Variants in PCDHA7 observed in about 807,000 individuals in gnomAD.
The protein encoded by PCDHA7 is protocadherin alpha 7.
Under a neutral mutation model 57.2 loss-of-function variants are expected in PCDHA7, and 37 were observed. The observed-to-expected ratio is 0.65, with a 90% CI of 0.50 to 0.85. PCDHA7 has a LOEUF of 0.85. Ranked by LOEUF, PCDHA7 falls within the 40% of genes least tolerant of loss-of-function variation. The pLI is 0.00. For missense variants in PCDHA7, 1,188 were observed against 1,241.8 expected (o/e 0.96, Z 0.65); for synonymous variants, 553 against 558.8 (o/e 0.99, Z 0.15).
intron 1 of PCDHA7, chr5:140,841,802 G>A: frequency 6.2e-7 from 1 of 1,613,944 alleles, no homozygotes; most frequent in Non-Finnish European, 8.5e-7. Context: ...GTCCGATGCA[G>A]ATGTTGGAGC....
chr5:140,853,541 G>A, intron 1 of PCDHA7: 2 of 979,320 alleles, frequency 2.0e-6, no homozygotes, highest in Non-Finnish European at 2.5e-6. Context: ...TTTTCAAGTT[G>A]TAATTACTAT....
rs549259485 is a variant in PCDHA7, at chr5:140,926,218, A to C, written c.2356-52731A>C. 2.0e-5 allele frequency among the ~76,000 whole-genome samples: 3 copies of C among 152,070 alleles called. No individual in the cohort carries two copies. In the South Asian group the frequency reaches 6.3e-4, roughly 32 times the overall value. On this transcript the variant is annotated intron_variant, in intron 1 of 3. Coordinates refer to ENST00000525929, the MANE Select transcript of PCDHA7 (RefSeq NM_018910.3). ...TCTTTCGGGGGGCTCCTGTTTCCTT[A>C]AGCCTAGAAGGTGTGGTCGCTCACG...
At chr5:140,943,515 G>C (rs2093511975) in intron 1 of PCDHA7, among the ~76,000 whole-genome samples, 1 of 152,100 alleles carries the variant, frequency 6.6e-6, no homozygotes, top group African/African-American at 2.4e-5. Context: ...TGGAAATGTT[G>C]AGTTCAGTAT....
rs1554205452 is a variant in PCDHA7 at position 140,928,080 on chromosome 5, C to T, written c.2356-50869C>T. ...CGGCTTCCTTTGACAACTACTACAG[C>T]CTGCTGATTGATGGGCCCCTGGACC... On this transcript the variant is annotated intron_variant, in intron 1 of 3. Transcript: ENST00000525929. The T allele has an allele frequency of 2.5e-6, 4 of 1,614,072 alleles. No homozygotes were observed. The African/African-American group carries it at 4.0e-5, about 16-fold the overall frequency.
At chr5:140,887,704 C>A (rs1554183178) in intron 1 of PCDHA7, among the ~76,000 whole-genome samples, 1 of 152,104 alleles carries the variant, frequency 6.6e-6, no homozygotes, top group East Asian at 1.9e-4. Context: ...ATCAACCATA[C>A]TTCTTCTAAT....
chr5:140,944,097 A>G lies in PCDHA7; in HGVS notation c.2356-34852A>G, dbSNP rs2093609741. On this transcript the variant is annotated intron_variant, in intron 1 of 3. Coordinates refer to ENST00000525929, the MANE Select transcript of PCDHA7 (RefSeq NM_018910.3). ...ATAAAGGAGGCCTGAGTAAGTTTAT[A>G]TCTCATGGGAAAATGGTACCAGAGA... is the stretch of plus-strand genomic sequence containing the variant. Among the ~76,000 whole-genome samples, 3 of 152,244 alleles carry G rather than the reference A, an allele frequency of 2.0e-5. No individual in the cohort carries two copies. In the South Asian group the frequency reaches 6.2e-4, roughly 31 times the overall value.
chr5:140,943,831 A>T (rs1051741610), intron 1 of PCDHA7, among the ~76,000 whole-genome samples: 2 of 152,214 alleles, frequency 1.3e-5, no homozygotes, highest in African/African-American at 4.8e-5. Flanking sequence ...GAGTTGATTG[A>T]AGTTGTAAGA....
In PCDHA7 at chr5:140,836,587, T is replaced by G; in HGVS notation, c.2204T>G (p.Val735Gly). The stretch of plus-strand genomic sequence containing the variant: ...TCCTCTGAGGGCGCATGTAGTTTGG[T>G]AAAGCCCACTCTGGTGTGCTCCAGC... ...APSSEGACSL[V>G]KPTLVCSSAV... is the part of the protein sequence containing the mutation. The change falls in exon 1 of 4, where the codon GTA becomes GGA. Residue 735 changes from valine (V) to glycine (G), a missense_variant. Physicochemically the swap from Val to Gly is moderately radical, Grantham distance 109 (BLOSUM62 -3). This residue lies in a region of PCDHA7 where 892 missense variants were observed against 788.5 expected (regional missense o/e 1.13). Transcript: ENST00000525929. 6.2e-7 allele frequency: 1 copy of G among 1,613,734 alleles called. No individual in the cohort carries two copies. Among genetic ancestry groups the G allele is most frequent in the Non-Finnish European group, 8.5e-7 (1 of 1,179,838 alleles).
At chr5:140,948,305 T>C (rs1554218512) in intron 1 of PCDHA7, among the ~76,000 whole-genome samples, 1 of 151,622 alleles carries the variant, frequency 6.6e-6, no homozygotes, top group African/African-American at 2.4e-5. Context: ...ATATCTTTTC[T>C]TCTTGAGGGG....
At chr5:140,879,180 G>C (rs1459369751) in intron 1 of PCDHA7, among the ~76,000 whole-genome samples, 14 of 152,206 alleles carry the variant, frequency 9.2e-5, no homozygotes, top group African/African-American at 3.4e-4. Context: ...TAGGTATCAA[G>C]TAATGGAGAC....
intron 1 of PCDHA7, chr5:140,843,336 G>A (rs2150357721): frequency 6.3e-7 from 1 of 1,596,074 alleles, no homozygotes; most frequent in South Asian, 1.1e-5. Context: ...CTGGTGGAGA[G>A]CGGCCAGGCT....
intron 1 of PCDHA7, among the ~76,000 whole-genome samples, chr5:140,912,685 G>A (rs2076025155): frequency 6.6e-6 from 1 of 152,060 alleles, no homozygotes; most frequent in Non-Finnish European, 1.5e-5. Flanking sequence ...CTTATTCCAG[G>A]TCTCAGGGGG....
chr5:140,869,247 C>A (rs1186478553), intron 1 of PCDHA7: 2 of 1,613,526 alleles, frequency 1.2e-6, no homozygotes, highest in Admixed American at 3.3e-5. Context: ...TGGGCCGCAT[C>A]GCGCAGGACC....
intron 3 of PCDHA7, among the ~76,000 whole-genome samples, chr5:140,984,149 G>C (rs2097089041): frequency 6.6e-6 from 1 of 152,198 alleles, no homozygotes; most frequent in Non-Finnish European, 1.5e-5. Context: ...CATCTGGGAA[G>C]GTGAGAACTT....
At chr5:140,863,013 C>A (rs1274171221) in intron 1 of PCDHA7, 1 of 552,838 alleles carries the variant, frequency 1.8e-6, no homozygotes, top group Admixed American at 1.9e-5. Flanking sequence ...AGCTATGACG[C>A]CTGGTTGTCG....
At chr5:140,977,256 C>T (rs1304967733) in intron 1 of PCDHA7, among the ~76,000 whole-genome samples, 1 of 152,164 alleles carries the variant, frequency 6.6e-6, no homozygotes, top group Non-Finnish European at 1.5e-5. Flanking sequence ...CATTTCTCAG[C>T]AGATGTTACA....
chr5:141,000,887 AAC>A (rs1554257872), intron 3 of PCDHA7, among the ~76,000 whole-genome samples: 4 of 152,188 alleles, frequency 2.6e-5, no homozygotes. Context: ...CAACCTGGGC[AAC>A]AGATATAGAC....
chr5:140,836,113 TGA>T lies in PCDHA7; in HGVS notation c.1736_1737del (p.Glu579AlafsTer19). The T allele has an allele frequency of 6.2e-7, 1 of 1,613,528 alleles. No homozygotes were observed. The highest frequency in any genetic ancestry group is 8.5e-7 in the Non-Finnish European group (1 of 1,179,752). ...CGGGTGGGTGGCACTGGTGGCGCAG[TGA>T]GAGAGCTTGTGCCGCGGTCTGTGGG... On this transcript the variant is annotated frameshift_variant, in exon 1 of 4. Coordinates refer to ENST00000525929, the MANE Select transcript of PCDHA7 (RefSeq NM_018910.3). LOFTEE classifies it high-confidence loss of function.
chr5:140,949,172 A>G (rs574592967), intron 1 of PCDHA7, among the ~76,000 whole-genome samples: 3 of 151,856 alleles, frequency 2.0e-5, no homozygotes, highest in African/African-American at 7.2e-5. Context: ...TCTTTTGGTC[A>G]GAGAACATAC....
Sources: gnomAD v4.1 joint callset for allele counts (sites outside exome capture counted in the v4.1 genomes callset) on GRCh38, gnomAD v4.1.1 for gene constraint, gnomAD v4.1.1 regional missense constraint, MANE v1.5 for transcripts, NCBI Gene and HGNC (gene_info 2026-07-23, HGNC 2026-07-21) for gene names.